Variants in ABCC8 observed in about 807,000 individuals in gnomAD.
ABCC8 encodes the protein ATP binding cassette subfamily C member 8, also known as ATP-binding cassette sub-family C member 8.
A neutral mutation model predicts 188.0 loss-of-function variants in ABCC8; 137 were observed. The ratio of observed to expected loss-of-function variants is 0.73; its 90% CI spans 0.63 to 0.84. ABCC8 has a LOEUF of 0.84. ABCC8 is among the 40% of genes least tolerant of loss of function. ABCC8 has a pLI of 0.00. For synonymous variants in ABCC8, 797 were observed against 846.5 expected (o/e 0.94, Z 1.01); for missense variants, 1,750 against 2,072.7 (o/e 0.84, Z 3.02).
intron 7 of ABCC8, among the ~76,000 whole-genome samples, chr11:17,450,329 TC>T (rs1956747621): frequency 4.8e-5 from 7 of 144,468 alleles, no homozygotes; most frequent in Admixed American, 2.1e-4. Flanking sequence ...TTTCTTTCTC[TC>T]TCTCTCTTTC....
intron 3 of ABCC8, among the ~76,000 whole-genome samples, chr11:17,464,583 C>T (rs527784303): frequency 7.9e-5 from 12 of 152,360 alleles, no homozygotes; most frequent in East Asian, 3.9e-4. Context: ...GAGCCTCACA[C>T]GCAGCGGGTG....
At chr11:17,393,639 A>G (rs755351653) in intron 38 of ABCC8, 58 bp downstream of exon 38, 68 of 1,611,050 alleles carry the variant, frequency 4.2e-5, no homozygotes, top group Non-Finnish European at 5.6e-5. Context: ...GATGACGGCC[A>G]CAACAGGCCA....
At position 17,393,742 on chromosome 11, in the gene ABCC8, C is replaced by A. The variant is rs142272833; in HGVS notation, c.4563G>T (p.Lys1521Asn). Residue 1521 changes from lysine (K) to asparagine (N), a missense_variant, in exon 38 of 39, where the codon AAG becomes AAT. Physicochemically the swap from Lys to Asn is moderately conservative, Grantham distance 94. Transcript: ENST00000389817. ...GGTCTGCGAAGGCTGTCATCACCAC[C>A]TTTTGGAGGATGTTTTCCTGCCAAG... ...IDMATENILQ[K>N]VVMTAFADRT... is the part of the protein sequence containing the mutation. 2.3e-4 allele frequency: 373 copies of A among 1,614,172 alleles called. 1 individual carries two copies. In the African/African-American group the frequency reaches 4.6e-3, roughly 20 times the overall value.
chr11:17,400,545 G>A (rs544046614), intron 29 of ABCC8, among the ~76,000 whole-genome samples: 41 of 152,234 alleles, frequency 2.7e-4, no homozygotes, highest in Middle Eastern at 3.4e-3. Flanking sequence ...CTGAGACTCA[G>A]TTTTCTTATG....
intron 29 of ABCC8, 136 bp from the exon 30 acceptor site, chr11:17,398,577 A>G (rs553893885): frequency 2.0e-6 from 3 of 1,516,704 alleles, no homozygotes; most frequent in Admixed American, 2.0e-5. Context: ...CATGTAAGCT[A>G]TCCCTCTCTG....
At chr11:17,415,254 C>A in intron 18 of ABCC8, 50 bp downstream of exon 18, 1 of 1,585,642 alleles carries the variant, frequency 6.3e-7, no homozygotes, top group Non-Finnish European at 8.6e-7. Flanking sequence ...GGCCTGAGAG[C>A]ACCCTGGAGG....
chr11:17,439,590 G>A (rs926596783), intron 10 of ABCC8, among the ~76,000 whole-genome samples: 3 of 151,794 alleles, frequency 2.0e-5, no homozygotes, highest in Admixed American at 6.6e-5. Context: ...CCTACCACCC[G>A]TCTCTCTCCC....
At chr11:17,430,708 G>C in intron 12 of ABCC8, 106 bp downstream of exon 12, 1 of 1,296,348 alleles carries the variant, frequency 7.7e-7, no homozygotes. Context: ...AGCAATGGGG[G>C]TGTGTTCCGG....
At chr11:17,432,486 G>T (rs1190557201) in intron 10 of ABCC8, 4 of 756,230 alleles carry the variant, frequency 5.3e-6, no homozygotes, top group Non-Finnish European at 6.0e-6. Flanking sequence ...AAGTCACTCC[G>T]TGTGGACAGG....
At chr11:17,470,052 C>T in intron 3 of ABCC8, 49 bp downstream of exon 3, 2 of 1,601,144 alleles carry the variant, frequency 1.2e-6, no homozygotes, top group East Asian at 4.5e-5. Context: ...TAAACATTAT[C>T]TGAAGAAATG....
chr11:17,414,038 G>A (rs1954944090), intron 19 of ABCC8, among the ~76,000 whole-genome samples: 1 of 152,144 alleles, frequency 6.6e-6, no homozygotes, highest in Non-Finnish European at 1.5e-5. Context: ...TCTGAAACTT[G>A]GTTCTTCATC....
chr11:17,474,924 G>C lies in ABCC8; in HGVS notation c.252C>G (p.Val84=), dbSNP rs771819362. ...RWILTFMLLF[V]LVCEIAEGIL... The stretch of plus-strand genomic sequence containing the variant: ...TGCCCTCTGCAATCTCACACACCAG[G>C]ACGAAGAGCAGCATGAAGGTCAGGA... Residue 84 remains valine, a synonymous_variant, in exon 2 of 39, where the codon GTC becomes GTG. Transcript: ENST00000389817. 2.2e-5 allele frequency: 35 copies of C among 1,614,208 alleles called. No individual in the cohort carries two copies. The highest frequency in any genetic ancestry group is 3.0e-5 in the Non-Finnish European group (35 of 1,180,040).
intron 2 of ABCC8, among the ~76,000 whole-genome samples, chr11:17,472,903 G>A (rs578195331): frequency 9.9e-4 from 150 of 152,268 alleles, no homozygotes; most frequent in African/African-American, 3.5e-3. Context: ...GGACTATGAT[G>A]CTTGTTTCAT....
At chr11:17,476,548 C>T (rs1455394777) in intron 1 of ABCC8, 81 bp downstream of exon 1, 2 of 1,530,782 alleles carry the variant, frequency 1.3e-6, no homozygotes, top group Non-Finnish European at 1.8e-6. Context: ...GAAGGGGACG[C>T]CGAGCGGTGC....
chr11:17,439,401 G>A (rs2133582803), intron 10 of ABCC8, among the ~76,000 whole-genome samples: 1 of 152,186 alleles, frequency 6.6e-6, no homozygotes, highest in African/African-American at 2.4e-5. Flanking sequence ...GTGACTCTGG[G>A]GCTCCTCTGC....
chr11:17,396,202 G>C (rs1483437099), intron 33 of ABCC8: 11 of 656,086 alleles, frequency 1.7e-5, no homozygotes, highest in Non-Finnish European at 2.2e-5. Flanking sequence ...CGGGTACTTG[G>C]CTGAAGGAGA....
chr11:17,402,133 T>C (rs1954276193), intron 29 of ABCC8, among the ~76,000 whole-genome samples: 1 of 152,222 alleles, frequency 6.6e-6, no homozygotes. Context: ...TAAATGTTTG[T>C]TGCATGAACA....
At position 17,463,589 on chromosome 11, in the gene ABCC8, C is replaced by T. The variant is rs1395990892; in HGVS notation, c.428G>A (p.Trp143Ter). The change falls in exon 4 of 39, where the codon TGG (tryptophan) becomes TAG (stop). Residue 143 changes from tryptophan to a stop codon, truncating the protein, a stop_gained. Coordinates refer to ENST00000389817, the MANE Select transcript of ABCC8 (RefSeq NM_000352.6). LOFTEE classifies it high-confidence loss of function. ...GGTCTTGGTGATGAAGGCCAGGGTCCAATACACCAGCAGGGCTGCCGAGGA... is the reference window on the plus strand; with the variant it reads ...GGTCTTGGTGATGAAGGCCAGGGTCTAATACACCAGCAGGGCTGCCGAGGA... ...PKLLIALLVY[W>*]TLAFITKTIK... 6.3e-6 allele frequency: 10 copies of T among 1,583,456 alleles called. No individual in the cohort carries two copies. Among genetic ancestry groups the T allele is most frequent in the Admixed American group, 1.8e-5 (1 of 55,380 alleles).
At chr11:17,396,259 G>A in intron 33 of ABCC8, 1 of 467,254 alleles carries the variant, frequency 2.1e-6, no homozygotes, top group Non-Finnish European at 3.9e-6. Flanking sequence ...GTGGCAGGAG[G>A]ACACAGGGGC....
Sources: gnomAD v4.1 joint callset for allele counts (sites outside exome capture counted in the v4.1 genomes callset) on GRCh38, gnomAD v4.1.1 for gene constraint, MANE v1.5 for transcripts, NCBI Gene and HGNC (gene_info 2026-07-23, HGNC 2026-07-21) for gene names.